The following SDK1 variants were observed in gnomAD, a reference collection of about 807,000 sequenced individuals.
SDK1 encodes the protein protein sidekick-1.
Under a neutral mutation model 245.5 loss-of-function variants are expected in SDK1, and 157 were observed. The observed-to-expected ratio is 0.64, with a 90% CI of 0.56 to 0.73. SDK1 has a LOEUF of 0.73. SDK1 is among the 30% of genes least tolerant of loss of function. The pLI, the probability that SDK1 is intolerant of heterozygous loss-of-function variation, is 0.00. For synonymous variants in SDK1, 1,647 were observed against 1,278.5 expected, an observed-to-expected ratio of 1.29 and a Z score of -6.15; for missense variants, 3,583 against 3,002.3, an observed-to-expected ratio of 1.19 and a Z score of -4.52.
Position 4,242,749 on chromosome 7 carries a change from G to T in SDK1, c.6251+836G>T, listed in dbSNP as rs182025828. ...GGGTGTGGAAATCACACATCATCCA[G>T]ACCCAGACAGACCCCAGGGTTTCCT... is the stretch of plus-strand genomic sequence containing the variant. On this transcript the variant is annotated intron_variant, in intron 43 of 44. Coordinates refer to ENST00000404826, the MANE Select transcript of SDK1 (RefSeq NM_152744.4). Among the ~76,000 whole-genome samples the T allele has an allele frequency of 2.2e-4, 34 of 152,290 alleles. No individual in the cohort carries two copies. The East Asian group carries it at 5.2e-3, about 23-fold the overall frequency.
intron 1 of SDK1, among the ~76,000 whole-genome samples, chr7:3,399,634 C>T (rs186196460): frequency 5.9e-5 from 9 of 152,282 alleles, no homozygotes; most frequent in East Asian, 1.9e-4. Flanking sequence ...GGACTAATCT[C>T]ATAAAGTTTA....
chr7:4,228,850 A>G (rs1343238694), intron 40 of SDK1, among the ~76,000 whole-genome samples: 1 of 152,128 alleles, frequency 6.6e-6, no homozygotes, highest in Non-Finnish European at 1.5e-5. Flanking sequence ...TGCTTTTCCT[A>G]CAACGGCAAC....
intron 32 of SDK1, among the ~76,000 whole-genome samples, chr7:4,164,015 C>T (rs962180673): frequency 2.0e-5 from 3 of 152,162 alleles, no homozygotes; most frequent in Admixed American, 6.5e-5. Flanking sequence ...GGCTGCGTCT[C>T]GGCTGCCTTT....
intron 37 of SDK1, 100 bp from the exon 38 acceptor site, chr7:4,209,925 A>T: frequency 9.1e-7 from 1 of 1,098,596 alleles, no homozygotes; most frequent in Middle Eastern, 2.2e-4. Flanking sequence ...TGAAAATAAC[A>T]TCGAATAACA....
At chr7:3,887,710 G>A (rs1191031489) in intron 5 of SDK1, among the ~76,000 whole-genome samples, 2 of 152,160 alleles carry the variant, frequency 1.3e-5, no homozygotes, top group African/African-American at 2.4e-5. Context: ...ATATGAGTTT[G>A]TATCATCTTT....
intron 35 of SDK1, among the ~76,000 whole-genome samples, chr7:4,197,570 G>A (rs372590952): frequency 2.0e-5 from 3 of 152,186 alleles, no homozygotes; most frequent in Admixed American, 1.3e-4. Flanking sequence ...ATAGCCAGCC[G>A]GGCTGGGCTC....
intron 28 of SDK1, among the ~76,000 whole-genome samples, chr7:4,144,949 G>A (rs1779857530): frequency 6.6e-6 from 1 of 152,196 alleles, no homozygotes; most frequent in African/African-American, 2.4e-5. Flanking sequence ...GCCAGGCAGG[G>A]TGCGGACTGG....
chr7:3,541,997 A>T (rs1209514829), intron 1 of SDK1, among the ~76,000 whole-genome samples: 1 of 152,242 alleles, frequency 6.6e-6, no homozygotes, highest in Non-Finnish European at 1.5e-5. Context: ...TGGCACATGT[A>T]TACATATGTA....
At chr7:3,596,677 G>A (rs753696793) in intron 1 of SDK1, among the ~76,000 whole-genome samples, 1 of 151,722 alleles carries the variant, frequency 6.6e-6, no homozygotes, top group Non-Finnish European at 1.5e-5. Context: ...ACCTGTGCTT[G>A]AATTTCATAT....
At chr7:3,895,892 A>C (rs1343174883) in intron 5 of SDK1, among the ~76,000 whole-genome samples, 3 of 152,328 alleles carry the variant, frequency 2.0e-5, no homozygotes, top group Admixed American at 6.5e-5. Flanking sequence ...GCGATTTTCC[A>C]GATAACTTTC....
At chr7:4,087,850 T>C (rs1781524427) in intron 22 of SDK1, among the ~76,000 whole-genome samples, 1 of 152,232 alleles carries the variant, frequency 6.6e-6, no homozygotes, top group Non-Finnish European at 1.5e-5. Flanking sequence ...ATGGGGTCAG[T>C]AGTACCATCT....
chr7:4,109,363 A>G (rs1450962164), intron 22 of SDK1, among the ~76,000 whole-genome samples: 1 of 152,226 alleles, frequency 6.6e-6, no homozygotes, highest in Non-Finnish European at 1.5e-5. Flanking sequence ...TCGCCAGTTT[A>G]CCAAGGTCAT....
chr7:3,715,473 C>A (rs761021675), intron 4 of SDK1, among the ~76,000 whole-genome samples: 45 of 152,096 alleles, frequency 3.0e-4, no homozygotes, highest in Non-Finnish European at 4.0e-4. Context: ...AACCAGACAC[C>A]CCTCACCTTC....
At chr7:3,916,551 A>T (rs965434385) in intron 5 of SDK1, among the ~76,000 whole-genome samples, 2 of 152,248 alleles carry the variant, frequency 1.3e-5, no homozygotes, top group Non-Finnish European at 2.9e-5. Context: ...TAGGCAAATC[A>T]GTTGTTTTAA....
chr7:3,496,446 C>G (rs1335463450), intron 1 of SDK1, among the ~76,000 whole-genome samples: 1 of 151,240 alleles, frequency 6.6e-6, no homozygotes, highest in African/African-American at 2.4e-5. Flanking sequence ...AGGTATCACG[C>G]TGTGTTTTTA....
At chr7:3,764,426 C>A (rs774398629) in intron 4 of SDK1, among the ~76,000 whole-genome samples, 12 of 152,182 alleles carry the variant, frequency 7.9e-5, no homozygotes, top group Non-Finnish European at 5.9e-5. Flanking sequence ...TGACTCATGC[C>A]TGTAATCCCA....
intron 1 of SDK1, among the ~76,000 whole-genome samples, chr7:3,538,036 G>A (rs948044868): frequency 1.3e-5 from 2 of 152,182 alleles, no homozygotes; most frequent in Non-Finnish European, 2.9e-5. Context: ...GCCTTTCGTG[G>A]AGTCTTTCTT....
At chr7:3,529,762 C>A (rs1783277840) in intron 1 of SDK1, among the ~76,000 whole-genome samples, 1 of 152,094 alleles carries the variant, frequency 6.6e-6, no homozygotes, top group Non-Finnish European at 1.5e-5. Flanking sequence ...GTATTAATTA[C>A]AGAGGGAGAG....
chr7:4,028,176 A>C (rs1787507351), intron 17 of SDK1, among the ~76,000 whole-genome samples: 1 of 152,190 alleles, frequency 6.6e-6, no homozygotes, highest in Non-Finnish European at 1.5e-5. Context: ...AGACCCACTG[A>C]ATCAGAAACT....
Sources: gnomAD v4.1 joint callset for allele counts (sites outside exome capture counted in the v4.1 genomes callset) on GRCh38, gnomAD v4.1.1 for gene constraint, MANE v1.5 for transcripts, NCBI Gene and HGNC (gene_info 2026-07-23, HGNC 2026-07-21) for gene names.